The following IQCM variants were observed in gnomAD, a reference collection of about 807,000 sequenced individuals.
IQCM encodes IQ motif containing M.
A neutral mutation model predicts 57.6 loss-of-function variants in IQCM; 45 were observed. The observed-to-expected ratio is 0.78, with a 90% CI of 0.62 to 1.00. IQCM has a LOEUF of 1.00. IQCM is among the 50% of genes least tolerant of loss of function. The pLI, the probability that IQCM is intolerant of heterozygous loss-of-function variation, is 0.00. For missense variants in IQCM, 468 were observed against 511.6 expected, an observed-to-expected ratio of 0.91 and a Z score of 0.82; for synonymous variants, 148 against 158.9, an observed-to-expected ratio of 0.93 and a Z score of 0.51.
At chr4:149,767,403 GATT>G (rs1260473163) in intron 2 of IQCM, among the ~76,000 whole-genome samples, 1 of 151,924 alleles carries the variant, frequency 6.6e-6, no homozygotes, top group East Asian at 1.9e-4. Flanking sequence ...GTTCATGAAA[GATT>G]ATTACCTGTA....
At chr4:149,810,729 C>T (rs1414463954) in intron 2 of IQCM, among the ~76,000 whole-genome samples, 2 of 152,080 alleles carry the variant, frequency 1.3e-5, no homozygotes, top group South Asian at 2.1e-4. Context: ...GGATTACAGG[C>T]GTGAGCCACC....
intron 8 of IQCM, among the ~76,000 whole-genome samples, chr4:149,593,642 G>T (rs1224792802): frequency 6.6e-6 from 1 of 152,010 alleles, no homozygotes; most frequent in Non-Finnish European, 1.5e-5. Context: ...TCAATACCTA[G>T]TTTATTGAGA....
chr4:149,371,054 AG>A (rs1276520611), intron 13 of IQCM, among the ~76,000 whole-genome samples: 1 of 152,162 alleles, frequency 6.6e-6, no homozygotes, highest in Non-Finnish European at 1.5e-5. Context: ...TTTTAGACTT[AG>A]AAGTTAGGCA....
intron 7 of IQCM, among the ~76,000 whole-genome samples, chr4:149,647,924 T>C (rs1282796371): frequency 6.6e-6 from 1 of 152,184 alleles, no homozygotes; most frequent in African/African-American, 2.4e-5. Flanking sequence ...CATTCTTACC[T>C]ACTCTTTTGT....
At chr4:149,528,862 G>T (rs1198656127) in intron 12 of IQCM, among the ~76,000 whole-genome samples, 1 of 152,008 alleles carries the variant, frequency 6.6e-6, no homozygotes, top group East Asian at 1.9e-4. Context: ...TTGAGATGAA[G>T]CTTACAGGAG....
intron 2 of IQCM, among the ~76,000 whole-genome samples, chr4:149,803,624 A>T (rs1397060180): frequency 1.3e-5 from 2 of 151,862 alleles, no homozygotes; most frequent in Admixed American, 6.6e-5. Context: ...CATTTTTTTT[A>T]AAGCTGGACA....
At chr4:149,487,564 T>A (rs2149767354) in intron 12 of IQCM, among the ~76,000 whole-genome samples, 1 of 152,222 alleles carries the variant, frequency 6.6e-6, no homozygotes. Context: ...CCCAGGGCAC[T>A]TCAGCTCATG....
chr4:149,691,999 C>T (rs1236241418), intron 5 of IQCM, among the ~76,000 whole-genome samples: 2 of 152,180 alleles, frequency 1.3e-5, no homozygotes, highest in Admixed American at 6.5e-5. Context: ...ATGTACACTA[C>T]AGCAGAGACA....
At chr4:149,735,683 A>T (rs1031962575) in intron 3 of IQCM, among the ~76,000 whole-genome samples, 1 of 152,178 alleles carries the variant, frequency 6.6e-6, no homozygotes. Context: ...AACATCCTTC[A>T]GTTCTGAAAG....
chr4:149,735,313 G>A (rs1199350285), intron 4 of IQCM, 63 bp downstream of exon 4: 2 of 729,108 alleles, frequency 2.7e-6, no homozygotes, highest in Non-Finnish European at 3.8e-6. Flanking sequence ...CAATCCTTTG[G>A]GAGAATCCTT....
intron 5 of IQCM, among the ~76,000 whole-genome samples, chr4:149,718,879 A>C (rs1336236696): frequency 6.6e-6 from 1 of 152,226 alleles, no homozygotes; most frequent in Non-Finnish European, 1.5e-5. Context: ...TAGATAATCC[A>C]AGATAGTCTC....
chr4:149,728,093 C>T (rs1349613354), intron 5 of IQCM, among the ~76,000 whole-genome samples: 2 of 152,206 alleles, frequency 1.3e-5, no homozygotes, highest in Non-Finnish European at 2.9e-5. Context: ...AGGTTCTGTT[C>T]TTATACAGTC....
intron 8 of IQCM, among the ~76,000 whole-genome samples, chr4:149,595,109 T>C (rs913577422): frequency 6.6e-6 from 1 of 152,196 alleles, no homozygotes; most frequent in African/African-American, 2.4e-5. Flanking sequence ...TTTAGGTCTC[T>C]AAGGACTTGC....
At chr4:149,359,857 A>G (rs981674664) in intron 13 of IQCM, among the ~76,000 whole-genome samples, 1 of 152,156 alleles carries the variant, frequency 6.6e-6, no homozygotes, top group Admixed American at 6.5e-5. Flanking sequence ...AAACAAACAC[A>G]GATAGTTTTG....
intron 7 of IQCM, among the ~76,000 whole-genome samples, chr4:149,650,042 T>G (rs1394332172): frequency 6.6e-6 from 1 of 152,090 alleles, no homozygotes; most frequent in Non-Finnish European, 1.5e-5. Flanking sequence ...TACCAAAAGA[T>G]AGTAGGCCCC....
At chr4:149,541,466 A>T (rs750619204) in intron 12 of IQCM, among the ~76,000 whole-genome samples, 5 of 152,092 alleles carry the variant, frequency 3.3e-5, no homozygotes, top group Non-Finnish European at 7.4e-5. Flanking sequence ...TTGGAAAAAT[A>T]GGGGAAAACC....
At chr4:149,501,858 G>C (rs1743278056) in intron 12 of IQCM, among the ~76,000 whole-genome samples, 1 of 152,144 alleles carries the variant, frequency 6.6e-6, no homozygotes, top group African/African-American at 2.4e-5. Flanking sequence ...CAGCAGATCA[G>C]GAAGGTTGAC....
intron 2 of IQCM, among the ~76,000 whole-genome samples, chr4:149,747,505 C>A (rs1408882524): frequency 6.6e-6 from 1 of 152,142 alleles, no homozygotes; most frequent in Non-Finnish European, 1.5e-5. Context: ...AGAAAAAAGT[C>A]TGCACATTCA....
chr4:149,546,071 T>C (rs981371758), intron 12 of IQCM, among the ~76,000 whole-genome samples: 4 of 152,186 alleles, frequency 2.6e-5, no homozygotes, highest in African/African-American at 9.7e-5. Flanking sequence ...ATGCGGTGTT[T>C]GGTTTTTTGT....
Sources: gnomAD v4.1 joint callset for allele counts (sites outside exome capture counted in the v4.1 genomes callset) on GRCh38, gnomAD v4.1.1 for gene constraint, MANE v1.5 for transcripts, NCBI Gene and HGNC (gene_info 2026-07-23, HGNC 2026-07-21) for gene names.